PDE5A: variants seen among roughly 807,000 people sequenced by gnomAD.
PDE5A encodes the protein phosphodiesterase 5A.
A neutral mutation model predicts 110.2 loss-of-function variants in PDE5A; 67 were observed. That is an observed-to-expected ratio of 0.61 (90% confidence interval 0.50 to 0.75). The LOEUF is 0.75. Ranked by LOEUF, PDE5A falls within the 30% of genes least tolerant of loss-of-function variation. The probability of loss-of-function intolerance (pLI) is 0.00; values close to 1 mark genes in which losing one functional copy is unlikely to be tolerated. For missense variants in PDE5A, 862 were observed against 1,045.1 expected (o/e 0.82, Z 2.42); for synonymous variants, 328 against 351.2 (o/e 0.93, Z 0.74).
chr4:119,576,545 G>C (rs1257543392), intron 3 of PDE5A, among the ~76,000 whole-genome samples: 1 of 152,070 alleles, frequency 6.6e-6, no homozygotes, highest in Non-Finnish European at 1.5e-5. Flanking sequence ...ACTCAAAACC[G>C]CTCAACTACA....
rs1730420649 is a variant in PDE5A, at chr4:119,627,965, T to A, written c.152+555A>T. ...GAGGCGCGCGGGACAAGCAGGAGACTGGAAGGGGGGAAAAGGCAACCGCAC... is the reference window on the plus strand; with the variant it reads ...GAGGCGCGCGGGACAAGCAGGAGACAGGAAGGGGGGAAAAGGCAACCGCAC... On this transcript the variant is annotated intron_variant, in intron 1 of 20. Coordinates refer to ENST00000354960, the MANE Select transcript of PDE5A (RefSeq NM_001083.4). This position sits in a 1 kb window ranked among gnomAD's most constrained non-coding sequence, Gnocchi z 4.6. The A allele has an allele frequency of 7.4e-6, 6 of 815,034 alleles. No homozygotes were observed. Among genetic ancestry groups the A allele is most frequent in the Non-Finnish European group, 8.9e-6 (6 of 673,946 alleles). The allele number at this position is 815,034 out of a possible 1,614,324, so 50.5% of individuals were successfully genotyped here.
At position 119,606,754 on chromosome 4, in the gene PDE5A, A is replaced by G. The variant is rs781595467; in HGVS notation, c.696T>C (p.His232=). The G allele has an allele frequency of 4.3e-6, 7 of 1,613,960 alleles. No individual in the cohort carries two copies. The East Asian group carries it at 1.1e-4, about 26-fold the overall frequency. Residue 232 remains histidine (H), a synonymous_variant, in exon 2 of 21, where the codon CAT becomes CAC. Coordinates refer to ENST00000354960, the MANE Select transcript of PDE5A (RefSeq NM_001083.4). The stretch of plus-strand genomic sequence containing the variant: ...TCAAGGGCTCACCAAGCGCTGCCAC[A>G]TGTCCCACAATGCCTTTGTTCCATT... ...RLEWNKGIVG[H]VAALGEPLNI...
At chr4:119,504,329 A>G (rs900097603) in intron 18 of PDE5A, among the ~76,000 whole-genome samples, 1 of 151,972 alleles carries the variant, frequency 6.6e-6, no homozygotes, top group Non-Finnish European at 1.5e-5. Flanking sequence ...TATGTACCAC[A>G]TTTTCTTTAT....
chr4:119,558,788 G>T (rs1301905045), intron 7 of PDE5A, among the ~76,000 whole-genome samples: 2 of 150,866 alleles, frequency 1.3e-5, no homozygotes, highest in African/African-American at 4.8e-5. Context: ...GTAGTGGCGG[G>T]CGCCTGTAGT....
At chr4:119,626,994 G>A (rs536014547) in intron 1 of PDE5A, among the ~76,000 whole-genome samples, 29 of 152,248 alleles carry the variant, frequency 1.9e-4, no homozygotes, top group African/African-American at 2.4e-5. Context: ...ATCTGCAAGA[G>A]AGCAAAGAAT....
chr4:119,617,409 G>A (rs75241893), intron 1 of PDE5A, among the ~76,000 whole-genome samples: 7,017 of 152,162 alleles, frequency 0.046, 204 homozygotes, highest in Non-Finnish European at 0.071. Context: ...TGTCCGAAGG[G>A]TCTCCCTGTG....
At chr4:119,595,545 C>T (rs1280053587) in intron 3 of PDE5A, among the ~76,000 whole-genome samples, 20 of 152,218 alleles carry the variant, frequency 1.3e-4, no homozygotes, top group Admixed American at 9.8e-4. Flanking sequence ...CCAAACAGAA[C>T]AAAAAGGCAG....
intron 3 of PDE5A, among the ~76,000 whole-genome samples, chr4:119,585,275 C>A (rs1204888822): frequency 5.9e-5 from 8 of 135,244 alleles, no homozygotes; most frequent in African/African-American, 2.2e-4. Flanking sequence ...AACTCTGTCT[C>A]AAAAAAAAAA....
At chr4:119,530,430 G>A (rs1726488015) in intron 11 of PDE5A, among the ~76,000 whole-genome samples, 1 of 152,100 alleles carries the variant, frequency 6.6e-6, no homozygotes, top group South Asian at 2.1e-4. Context: ...CATCTCCTAT[G>A]TGAAAGTTAA....
intron 4 of PDE5A, 102 bp from the exon 5 acceptor site, chr4:119,565,512 G>T: frequency 4.0e-6 from 3 of 753,002 alleles, no homozygotes; most frequent in South Asian, 3.3e-5. Flanking sequence ...AAAGCCAAAA[G>T]AATAGATGTT....
At chr4:119,557,557 G>A (rs546644769) in intron 7 of PDE5A, among the ~76,000 whole-genome samples, 2 of 152,198 alleles carry the variant, frequency 1.3e-5, no homozygotes, top group African/African-American at 2.4e-5. Flanking sequence ...GGGAGTCACT[G>A]CAGGTAATGT....
chr4:119,549,984 G>A (rs1727279485), intron 9 of PDE5A: 1 of 151,960 alleles, frequency 6.6e-6, no homozygotes, highest in South Asian at 2.1e-4. Context: ...AACTCTATAG[G>A]GATTCTCTAT....
intron 3 of PDE5A, among the ~76,000 whole-genome samples, chr4:119,594,689 T>C (rs1444384272): frequency 6.6e-6 from 1 of 152,240 alleles, no homozygotes; most frequent in Non-Finnish European, 1.5e-5. Flanking sequence ...ATTAATCTCA[T>C]ATTACGTCAT....
intron 12 of PDE5A, among the ~76,000 whole-genome samples, chr4:119,521,394 G>A (rs1164446868): frequency 6.6e-6 from 1 of 150,796 alleles, no homozygotes; most frequent in Non-Finnish European, 1.5e-5. Context: ...TTAATAAAAG[G>A]TCCATGTGTC....
At chr4:119,567,021 A>G in intron 4 of PDE5A, 52 bp downstream of exon 4, 3 of 1,273,620 alleles carry the variant, frequency 2.4e-6, no homozygotes, top group Non-Finnish European at 3.4e-6. Context: ...TATATACTAT[A>G]AAGAGAAAGC....
intron 3 of PDE5A, among the ~76,000 whole-genome samples, chr4:119,581,609 T>C (rs895235818): frequency 3.3e-5 from 5 of 152,186 alleles, no homozygotes; most frequent in African/African-American, 1.2e-4. Context: ...GATGCAGACA[T>C]CTGTCTCACT....
intron 16 of PDE5A, 115 bp from the exon 17 acceptor site, chr4:119,506,047 C>T: frequency 2.0e-6 from 1 of 507,796 alleles, no homozygotes; most frequent in South Asian, 3.8e-5. Context: ...GATTTTTTTT[C>T]CCATCTTAGA....
chr4:119,625,286 C>T (rs113806063), intron 1 of PDE5A, among the ~76,000 whole-genome samples: 4,340 of 152,252 alleles, frequency 0.029, 86 homozygotes, highest in South Asian at 0.07. Context: ...CATGAGCCAC[C>T]GTGCCAGGCC....
At chr4:119,528,877 C>G (rs1297676070) in intron 11 of PDE5A, 4 of 152,078 alleles carry the variant, frequency 2.6e-5, no homozygotes, top group Non-Finnish European at 5.9e-5. Context: ...GGTACATGGA[C>G]AGGTGCACCT....
Sources: gnomAD v4.1 joint callset for allele counts (sites outside exome capture counted in the v4.1 genomes callset) on GRCh38, gnomAD v4.1.1 for gene constraint, Gnocchi (gnomAD v3.1) non-coding constraint, MANE v1.5 for transcripts, NCBI Gene and HGNC (gene_info 2026-07-23, HGNC 2026-07-21) for gene names.